Variants in ELMO1 observed in about 807,000 individuals in gnomAD.
ELMO1 encodes the protein engulfment and cell motility 1.
A neutral mutation model predicts 98.9 loss-of-function variants in ELMO1; 26 were observed. The ratio of observed to expected loss-of-function variants is 0.26; its 90% CI spans 0.19 to 0.36. The LOEUF (loss-of-function observed/expected upper bound fraction) is 0.36. ELMO1 is among the 10% of genes least tolerant of loss of function. The probability of loss-of-function intolerance (pLI) is 1.00; values close to 1 mark genes in which losing one functional copy is unlikely to be tolerated. For synonymous variants in ELMO1, 346 were observed against 346.0 expected (o/e 1.00, Z 0.00); for missense variants, 627 against 935.2 (o/e 0.67, Z 4.30).
intron 16 of ELMO1, among the ~76,000 whole-genome samples, chr7:36,916,238 C>G (rs1409642682): frequency 1.3e-5 from 2 of 152,188 alleles, no homozygotes; most frequent in East Asian, 3.9e-4. Flanking sequence ...CCTCTCTCGT[C>G]ATTTCCAGTC....
At chr7:37,203,649 G>C (rs1418485806) in intron 13 of ELMO1, among the ~76,000 whole-genome samples, 1 of 152,174 alleles carries the variant, frequency 6.6e-6, no homozygotes, top group Non-Finnish European at 1.5e-5. Flanking sequence ...ACCAGAGACA[G>C]GGAGTGGTTT....
intron 15 of ELMO1, among the ~76,000 whole-genome samples, chr7:37,027,968 AAG>A (rs1161595333): frequency 1.3e-5 from 2 of 152,238 alleles, no homozygotes; most frequent in African/African-American, 4.8e-5. Context: ...TCAGCAAATT[AAG>A]AGAGCAGCCT....
chr7:36,897,510 T>C (rs1437545461), intron 16 of ELMO1, among the ~76,000 whole-genome samples: 6 of 152,038 alleles, frequency 3.9e-5, no homozygotes, highest in Non-Finnish European at 8.8e-5. Context: ...CAAATACATA[T>C]GGTGAAGTCC....
chr7:37,065,279 G>GC (rs1796895992), intron 15 of ELMO1, among the ~76,000 whole-genome samples: 1 of 151,728 alleles, frequency 6.6e-6, no homozygotes, highest in Non-Finnish European at 1.5e-5. Context: ...CTCTCAAGTA[G>GC]CTGGGATTAT....
chr7:37,272,680 G>GAA (rs35128089), intron 4 of ELMO1, among the ~76,000 whole-genome samples: 1 of 112,696 alleles, frequency 8.9e-6, no homozygotes, highest in Non-Finnish European at 2.0e-5. Flanking sequence ...CGTCTTAAAG[G>GAA]AAAAAAAAAA....
chr7:37,211,937 A>G (rs1280197181), intron 12 of ELMO1, among the ~76,000 whole-genome samples: 1 of 152,214 alleles, frequency 6.6e-6, no homozygotes, highest in African/African-American at 2.4e-5. Flanking sequence ...AAACCAACAC[A>G]GGACAAAAAA....
intron 4 of ELMO1, among the ~76,000 whole-genome samples, chr7:37,282,163 T>C (rs910351033): frequency 2.0e-5 from 3 of 152,182 alleles, no homozygotes; most frequent in African/African-American, 7.2e-5. Flanking sequence ...AAATCCCAAT[T>C]CTATTCTCCT....
intron 1 of ELMO1, among the ~76,000 whole-genome samples, chr7:37,428,838 T>A (rs1261944106): frequency 6.6e-6 from 1 of 152,232 alleles, no homozygotes; most frequent in Non-Finnish European, 1.5e-5. Context: ...TTCTCTATTT[T>A]CATCAAAATG....
rs73337730 is a variant in ELMO1, at chr7:37,143,349, C to T, written c.1087-10115G>A. Among the ~76,000 whole-genome samples the T allele has an allele frequency of 8.0e-3, 1,221 of 152,324 alleles. 14 individuals carry two copies. The highest frequency in any genetic ancestry group is 0.028 in the African/African-American group (1,168 of 41,584). The stretch of plus-strand genomic sequence containing the variant: ...GGGAATTTCACAAAGATGTTCAATG[C>T]AGGTTCTCCTCAATCAACGTTATTC... On this transcript the variant is annotated intron_variant, in intron 13 of 21. Coordinates refer to ENST00000310758, the MANE Select transcript of ELMO1 (RefSeq NM_014800.11).
At position 37,400,657 on chromosome 7, in the gene ELMO1, A is replaced by C. The variant is rs557576546; in HGVS notation, c.-74+48018T>G. ...AGAATACAGATCACCCCTTTCAGTTACTCCAGAATATTTGATAAATTCCAT... is the reference window on the plus strand; with the variant it reads ...AGAATACAGATCACCCCTTTCAGTTCCTCCAGAATATTTGATAAATTCCAT... On this transcript the variant is annotated intron_variant, in intron 1 of 21. Coordinates refer to ENST00000310758, the MANE Select transcript of ELMO1 (RefSeq NM_014800.11). Among the ~76,000 whole-genome samples, 6 of 152,316 alleles carry C rather than the reference A, an allele frequency of 3.9e-5. No homozygotes were observed. The South Asian group carries it at 1.2e-3, about 32-fold the overall frequency.
rs1268236395 is a variant in ELMO1, at chr7:37,121,830, T to C, written c.1191+11300A>G. Among the ~76,000 whole-genome samples the C allele has an allele frequency of 3.3e-5, 5 of 152,006 alleles. No individual in the cohort carries two copies. In the East Asian group the frequency reaches 5.8e-4, roughly 18 times the overall value. ...ACTCCAAGACACATAATACACATAA[T>C]TGTCAGATTCACCAAAGTTGAAATG... On this transcript the variant is annotated intron_variant, in intron 14 of 21. Transcript: ENST00000310758.
intron 4 of ELMO1, among the ~76,000 whole-genome samples, chr7:37,294,391 G>T (rs1202427454): frequency 6.6e-6 from 1 of 151,920 alleles, no homozygotes; most frequent in Non-Finnish European, 1.5e-5. Flanking sequence ...AAGTCCCATG[G>T]TGTCCTAGCC....
chr7:37,029,664 C>A (rs1298261603), intron 15 of ELMO1, among the ~76,000 whole-genome samples: 2 of 152,078 alleles, frequency 1.3e-5, no homozygotes, highest in Admixed American at 1.3e-4. Flanking sequence ...CATAAAAATG[C>A]CCTAATAAAA....
rs545007332 is a variant in ELMO1, at chr7:37,203,175, C to T, written c.1086+8211G>A. On this transcript the variant is annotated intron_variant, in intron 13 of 21. Transcript: ENST00000310758. Reference sequence around the variant, plus strand: ...ATTGACACATTCTCGAAAACCTGGACCCTTGCCTGTCCTCCTAGACCACAA... The same window carrying T: ...ATTGACACATTCTCGAAAACCTGGATCCTTGCCTGTCCTCCTAGACCACAA... 1.3e-5 allele frequency among the ~76,000 whole-genome samples: 2 copies of T among 152,242 alleles called. 1 individual carries two copies. Among genetic ancestry groups the T allele is most frequent in the Admixed American group, 1.3e-4 (2 of 15,286 alleles).
chr7:36,995,947 C>T (rs1163005297), intron 16 of ELMO1, among the ~76,000 whole-genome samples: 2 of 152,114 alleles, frequency 1.3e-5, no homozygotes, highest in African/African-American at 4.8e-5. Context: ...GTGTAATTGA[C>T]CTCACAAACA....
intron 15 of ELMO1, among the ~76,000 whole-genome samples, chr7:37,073,788 G>A (rs1797412008): frequency 6.6e-6 from 1 of 151,812 alleles, no homozygotes; most frequent in Non-Finnish European, 1.5e-5. Flanking sequence ...GGGTTTTGCT[G>A]TGTTGCCCAG....
intron 16 of ELMO1, among the ~76,000 whole-genome samples, chr7:36,992,385 C>T (rs553296046): frequency 6.6e-6 from 1 of 152,310 alleles, no homozygotes; most frequent in East Asian, 1.9e-4. Flanking sequence ...TCTGATCATG[C>T]TGAAAGCCTT....
intron 16 of ELMO1, among the ~76,000 whole-genome samples, chr7:36,945,256 T>G (rs1421664271): frequency 6.6e-6 from 1 of 152,250 alleles, no homozygotes; most frequent in Non-Finnish European, 1.5e-5. Context: ...TTACTATTGC[T>G]ATCTTAGGTA....
intron 16 of ELMO1, among the ~76,000 whole-genome samples, chr7:36,947,518 C>G (rs550820813): frequency 6.6e-6 from 1 of 152,176 alleles, no homozygotes; most frequent in African/African-American, 2.4e-5. Flanking sequence ...TGGGCCATGA[C>G]GTTGATCAGG....
Sources: allele counts gnomAD v4.1 joint callset (sites outside exome capture counted in the v4.1 genomes callset), GRCh38; gene constraint gnomAD v4.1.1; transcripts MANE v1.5; gene names NCBI Gene and HGNC (gene_info 2026-07-23, HGNC 2026-07-21).